PRKG1: variants seen among roughly 807,000 people sequenced by gnomAD.
The protein encoded by PRKG1 is cGMP-dependent protein kinase 1.
Under a neutral mutation model 88.1 loss-of-function variants are expected in PRKG1, and 35 were observed. The ratio of observed to expected loss-of-function variants is 0.40; its 90% CI spans 0.30 to 0.53. The LOEUF is 0.53. PRKG1 is among the 20% of genes least tolerant of loss of function. The pLI is 0.59. For missense variants in PRKG1, 540 were observed against 839.8 expected (o/e 0.64, Z 4.41); for synonymous variants, 303 against 292.5 (o/e 1.04, Z -0.37).
intron 7 of PRKG1, among the ~76,000 whole-genome samples, chr10:52,075,302 C>T (rs984687957): frequency 2.0e-5 from 3 of 152,088 alleles, no homozygotes; most frequent in Admixed American, 6.6e-5. Context: ...CGTTGTAAGA[C>T]GCAGTATTAT....
At chr10:51,296,840 C>A (rs1840733349) in intron 2 of PRKG1, among the ~76,000 whole-genome samples, 1 of 152,022 alleles carries the variant, frequency 6.6e-6, no homozygotes, top group Non-Finnish European at 1.5e-5. Context: ...TGAAATTAAA[C>A]CTAGTTACAT....
chr10:52,077,273 T>C (rs988731894), intron 7 of PRKG1, among the ~76,000 whole-genome samples: 1 of 152,072 alleles, frequency 6.6e-6, no homozygotes, highest in African/African-American at 2.4e-5. Context: ...AGTATCAAAA[T>C]AATTACGATG....
At chr10:51,289,548 T>C (rs947653115) in intron 2 of PRKG1, among the ~76,000 whole-genome samples, 4 of 152,054 alleles carry the variant, frequency 2.6e-5, no homozygotes, top group Admixed American at 6.6e-5. Context: ...AATTAAGAGA[T>C]TGTACTAGAT....
intron 2 of PRKG1, among the ~76,000 whole-genome samples, chr10:51,354,059 C>T (rs1004587983): frequency 1.3e-5 from 2 of 152,036 alleles, no homozygotes; most frequent in Admixed American, 1.3e-4. Context: ...AGATAAACAA[C>T]ATATATTCTC....
At chr10:51,135,254 A>G (rs1015260059) in intron 1 of PRKG1, among the ~76,000 whole-genome samples, 1 of 152,228 alleles carries the variant, frequency 6.6e-6, no homozygotes, top group Non-Finnish European at 1.5e-5. Context: ...TAATATGCCA[A>G]GCAAGATCTG....
At chr10:52,286,437 G>C (rs1202124780) in intron 14 of PRKG1, among the ~76,000 whole-genome samples, 1 of 151,938 alleles carries the variant, frequency 6.6e-6, no homozygotes, top group Non-Finnish European at 1.5e-5. Flanking sequence ...ACAAAAAGAT[G>C]AATCAAAATA....
chr10:51,468,465 A>G (rs753824601), intron 3 of PRKG1, among the ~76,000 whole-genome samples: 6 of 151,900 alleles, frequency 3.9e-5, no homozygotes, highest in Non-Finnish European at 7.4e-5. Context: ...TGATTTCTCT[A>G]GCAACTTTTA....
At chr10:51,101,685 C>A (rs1326147671) in intron 1 of PRKG1, among the ~76,000 whole-genome samples, 1 of 151,918 alleles carries the variant, frequency 6.6e-6, no homozygotes, top group African/African-American at 2.4e-5. Flanking sequence ...AGGATAAAAA[C>A]CAAACAGAGT....
intron 5 of PRKG1, chr10:51,907,799 G>A: frequency 2.4e-6 from 1 of 414,014 alleles, no homozygotes; most frequent in South Asian, 6.4e-5. Flanking sequence ...CAAACTTTTT[G>A]TTGTGATAAA....
intron 17 of PRKG1, among the ~76,000 whole-genome samples, chr10:52,291,010 C>A (rs977342733): frequency 1.3e-5 from 2 of 149,788 alleles, no homozygotes; most frequent in South Asian, 2.1e-4. Context: ...GCAACCCCTG[C>A]ATCCCAGGTT....
chr10:51,699,672 T>C (rs1462612630), intron 3 of PRKG1: 9 of 1,136,134 alleles, frequency 7.9e-6, no homozygotes. Flanking sequence ...ACTAATTCGC[T>C]TGAATCGTTC....
chr10:51,979,762 A>C (rs1455430789), intron 5 of PRKG1, among the ~76,000 whole-genome samples: 1 of 151,208 alleles, frequency 6.6e-6, no homozygotes, highest in Non-Finnish European at 1.5e-5. Flanking sequence ...TTTCTTCTAG[A>C]TTTTCTAGTG....
chr10:51,186,625 A>G (rs1226800204), intron 2 of PRKG1, among the ~76,000 whole-genome samples: 3 of 151,836 alleles, frequency 2.0e-5, no homozygotes, highest in African/African-American at 7.3e-5. Context: ...AGACTTTCTA[A>G]TTTTATACCA....
intron 1 of PRKG1, among the ~76,000 whole-genome samples, chr10:51,137,245 G>A (rs1013494312): frequency 2.0e-5 from 3 of 152,128 alleles, no homozygotes; most frequent in Non-Finnish European, 2.9e-5. Context: ...GGCAGGGTGG[G>A]GGGCAGGGAG....
chr10:51,782,169 T>C (rs1239219465), intron 3 of PRKG1, among the ~76,000 whole-genome samples: 1 of 152,116 alleles, frequency 6.6e-6, no homozygotes, highest in Non-Finnish European at 1.5e-5. Context: ...TTAAAGAATA[T>C]ATAAAAAGCA....
At chr10:51,682,005 T>C (rs892860534) in intron 3 of PRKG1, among the ~76,000 whole-genome samples, 5 of 152,174 alleles carry the variant, frequency 3.3e-5, no homozygotes, top group East Asian at 1.9e-4. Flanking sequence ...AAGTTTGTCT[T>C]AGATAAAGAA....
intron 7 of PRKG1, among the ~76,000 whole-genome samples, chr10:52,122,586 A>T (rs892057090): frequency 6.6e-6 from 1 of 152,200 alleles, no homozygotes; most frequent in Non-Finnish European, 1.5e-5. Flanking sequence ...CTACTAATAA[A>T]ATAATAACAA....
chr10:51,249,849 G>C (rs10996324), intron 2 of PRKG1, among the ~76,000 whole-genome samples: 3,105 of 151,816 alleles, frequency 0.02, 96 homozygotes, highest in African/African-American at 0.071. Flanking sequence ...GGGCATATTT[G>C]TCATCTTTGT....
intron 9 of PRKG1, among the ~76,000 whole-genome samples, chr10:52,228,285 G>GAAAAAAAAAA (rs71947602): frequency 7.5e-6 from 1 of 134,154 alleles, no homozygotes; most frequent in African/African-American, 2.6e-5. Context: ...GAAGTAAAAA[G>GAAAAAAAAAA]AAAAAAAAAA....
Sources: gnomAD v4.1 joint callset for allele counts (sites outside exome capture counted in the v4.1 genomes callset) on GRCh38, gnomAD v4.1.1 for gene constraint, MANE v1.5 for transcripts, NCBI Gene and HGNC (gene_info 2026-07-23, HGNC 2026-07-21) for gene names.